PRELID2: variants seen among roughly 807,000 people sequenced by gnomAD.
PRELID2 encodes the protein PRELI domain containing 2, also known as PRELI domain-containing protein 2.
PRELID2 carries 25 observed loss-of-function variants against 28.4 expected under a neutral mutation model. That is an observed-to-expected ratio of 0.88 (90% CI 0.64 to 1.23). The LOEUF is 1.23. PRELID2 is among the 50% of genes most tolerant of loss of function. PRELID2 has a pLI of 0.00. For missense variants in PRELID2, 201 were observed against 214.4 expected (o/e 0.94, Z 0.39); for synonymous variants, 76 against 71.6 (o/e 1.06, Z -0.31).
At chr5:145,383,702 A>T in the PRELID2 span, among the ~76,000 whole-genome samples, 1 of 151,096 alleles carries the variant, frequency 6.6e-6, no homozygotes, top group Non-Finnish European at 1.5e-5. Context: ...TACAAGTTAA[A>T]GTTAAGTGTA....
At chr5:145,462,331 T>C in the PRELID2 span, among the ~76,000 whole-genome samples, 1 of 152,300 alleles carries the variant, frequency 6.6e-6, no homozygotes, top group Non-Finnish European at 1.5e-5. Context: ...GAGGACATGA[T>C]GTAGGAGCAG....
At chr5:145,395,441 A>T in the PRELID2 span, among the ~76,000 whole-genome samples, 1 of 152,156 alleles carries the variant, frequency 6.6e-6, no homozygotes, top group African/African-American at 2.4e-5. Flanking sequence ...GGGATGTGTC[A>T]ATTACCTCCA....
At chr5:145,831,833 TG>T (rs1755609583) in intron 1 of PRELID2, among the ~76,000 whole-genome samples, 1 of 152,250 alleles carries the variant, frequency 6.6e-6, no homozygotes, top group Non-Finnish European at 1.5e-5. Flanking sequence ...TTATTCACTA[TG>T]TACCAGGTAC....
chr5:145,251,666 G>A, the PRELID2 span, among the ~76,000 whole-genome samples: 3 of 152,178 alleles, frequency 2.0e-5, no homozygotes, highest in African/African-American at 7.2e-5. Flanking sequence ...CGACAAAATA[G>A]TTGGGCCCCT....
chr5:145,512,135 G>A (rs1478476233), intron 1 of PRELID2, among the ~76,000 whole-genome samples: 1 of 152,114 alleles, frequency 6.6e-6, no homozygotes, highest in African/African-American at 2.4e-5. Context: ...GTAGATGAAA[G>A]CTCATGAGAA....
the PRELID2 span, among the ~76,000 whole-genome samples, chr5:145,415,229 C>G: frequency 6.6e-6 from 1 of 151,314 alleles, no homozygotes; most frequent in South Asian, 2.1e-4. Flanking sequence ...CTGAATGACT[C>G]TTTTTTTTGT....
At chr5:145,340,176 A>C in the PRELID2 span, among the ~76,000 whole-genome samples, 1 of 152,060 alleles carries the variant, frequency 6.6e-6, no homozygotes, top group Non-Finnish European at 1.5e-5. Context: ...ATGAGCCTAA[A>C]AATTACCCAG....
In PRELID2 at chr5:145,822,977, T is replaced by TAA. The variant is rs149496229; in HGVS notation, c.133+98_133+99dup. 3 of 601,382 alleles carry TAA rather than the reference T, an allele frequency of 5.0e-6. No homozygotes were observed. The African/African-American group carries it at 5.7e-5, about 11-fold the overall frequency. 37.3% of individuals were successfully genotyped at this position (601,382 alleles called of 1,614,324 possible). The stretch of plus-strand genomic sequence containing the variant: ...AAGAAACTGCAGGTGAACAATTTTT[T>TAA]AAAAAAAACCTAATAGGCCACACAC... On this transcript the variant is annotated intron_variant, in intron 2 of 6. Transcript: ENST00000683046.
chr5:145,657,274 T>G (rs115502229), intron 1 of PRELID2, among the ~76,000 whole-genome samples: 2,168 of 152,254 alleles, frequency 0.014, 51 homozygotes, highest in African/African-American at 0.05. Context: ...AATTGTGAAT[T>G]TTTTTAAAAT....
intron 5 of PRELID2, among the ~76,000 whole-genome samples, chr5:145,794,621 T>C (rs1460657877): frequency 6.6e-6 from 1 of 152,084 alleles, no homozygotes; most frequent in African/African-American, 2.4e-5. Context: ...TCAATATATA[T>C]CTGTAAGAGG....
chr5:145,514,182 T>C lies in PRELID2; in HGVS notation n.71-40867A>G, dbSNP rs1349239445. Among the ~76,000 whole-genome samples, 4 of 152,160 alleles carry C rather than the reference T, an allele frequency of 2.6e-5. No individual in the cohort carries two copies. The East Asian group carries it at 5.8e-4, about 22-fold the overall frequency. ...AATGTAAATGGGTTAAATGCCGCAATTGAAAGACACAGACTGGCAAATTGG... is the reference window on the plus strand; with the variant it reads ...AATGTAAATGGGTTAAATGCCGCAACTGAAAGACACAGACTGGCAAATTGG... On this transcript the variant is annotated intron_variant and non_coding_transcript_variant, in intron 1 of 2. Transcript: ENST00000510259.
chr5:145,549,854 A>G (rs1752819579), intron 1 of PRELID2, among the ~76,000 whole-genome samples: 1 of 152,162 alleles, frequency 6.6e-6, no homozygotes, highest in Non-Finnish European at 1.5e-5. Flanking sequence ...AGAGCTTATA[A>G]AACACGTCAC....
chr5:145,402,000 T>C, the PRELID2 span, among the ~76,000 whole-genome samples: 1 of 152,146 alleles, frequency 6.6e-6, no homozygotes, highest in Admixed American at 6.6e-5. Flanking sequence ...GCCACAACCA[T>C]AGTTGATTAT....
At chr5:145,589,257 C>T (rs996034631) in intron 1 of PRELID2, among the ~76,000 whole-genome samples, 2 of 152,106 alleles carry the variant, frequency 1.3e-5, no homozygotes, top group Non-Finnish European at 2.9e-5. Flanking sequence ...TGGTAAATGT[C>T]CTTGCATTCA....
At chr5:145,368,778 C>A in the PRELID2 span, among the ~76,000 whole-genome samples, 1 of 151,174 alleles carries the variant, frequency 6.6e-6, no homozygotes, top group South Asian at 2.1e-4. Context: ...TTAATGCAGT[C>A]TCTTTCATTT....
At chr5:145,808,127 G>A (rs1318052734) in intron 4 of PRELID2, among the ~76,000 whole-genome samples, 1 of 152,114 alleles carries the variant, frequency 6.6e-6, no homozygotes, top group Non-Finnish European at 1.5e-5. Flanking sequence ...ATGAGCAGAG[G>A]GAGTCATGTT....
rs1351269889 is a variant in PRELID2, at chr5:145,835,185, G to A, written c.67C>T (p.Leu23Phe). Reference protein sequence around the residue: ...YPFEQVVASFLRKYPNPMDKN... With the variant: ...YPFEQVVASFFRKYPNPMDKN... Reference sequence around the variant, plus strand: ...TGGAAGCGGGGCGGTACCTTTCGGAGAAAGCTGGCGACCACCTGCTCGAAG... The same window carrying A: ...TGGAAGCGGGGCGGTACCTTTCGGAAAAAGCTGGCGACCACCTGCTCGAAG... Residue 23 changes from leucine to phenylalanine, a missense_variant, in exon 1 of 7, where the codon CTC (leucine) becomes TTC (phenylalanine). Leu to Phe is a conservative substitution (Grantham distance 22). Transcript: ENST00000683046. The A allele has an allele frequency of 1.3e-6, 2 of 1,548,992 alleles. No individual in the cohort carries two copies. The highest frequency in any genetic ancestry group is 2.7e-5 in the African/African-American group (2 of 72,942).
chr5:145,637,212 G>A (rs776487056), intron 1 of PRELID2, among the ~76,000 whole-genome samples: 1 of 152,102 alleles, frequency 6.6e-6, no homozygotes, highest in Non-Finnish European at 1.5e-5. Context: ...CGTTTATTGG[G>A]CACTGCATAA....
chr5:145,544,173 T>G (rs2126674867), intron 1 of PRELID2, among the ~76,000 whole-genome samples: 1 of 152,198 alleles, frequency 6.6e-6, no homozygotes, highest in South Asian at 2.1e-4. Context: ...AAAGCTTGTG[T>G]ACAGAGTTCA....
Sources: gnomAD v4.1 joint callset for allele counts (sites outside exome capture counted in the v4.1 genomes callset) on GRCh38, gnomAD v4.1.1 for gene constraint, MANE v1.5 for transcripts, NCBI Gene and HGNC (gene_info 2026-07-23, HGNC 2026-07-21) for gene names.